ANXA2: variants seen among roughly 807,000 people sequenced by gnomAD.
ANXA2 encodes the protein annexin A2.
In ANXA2, 28 loss-of-function variants were observed where a neutral mutation model predicts 47.3. The observed-to-expected ratio is 0.59, with a 90% confidence interval of 0.44 to 0.81. ANXA2 has a LOEUF of 0.81. Among genes scored for constraint, ANXA2 ranks in the 40% least tolerant of loss-of-function variants. The probability of loss-of-function intolerance (pLI) is 0.00; values close to 1 mark genes in which losing one functional copy is unlikely to be tolerated. For synonymous variants in ANXA2, 172 were observed against 155.5 expected (o/e 1.11, Z -0.79); for missense variants, 384 against 414.3 (o/e 0.93, Z 0.64).
At chr15:60,375,249 A>C (rs1461683518) in intron 3 of ANXA2, among the ~76,000 whole-genome samples, 2 of 152,150 alleles carry the variant, frequency 1.3e-5, no homozygotes, top group East Asian at 3.9e-4. Flanking sequence ...GAGAAAAATC[A>C]CCCACTTTTG....
chr15:60,360,975 T>C lies in ANXA2; in HGVS notation c.323A>G (p.Gln108Arg), dbSNP rs1376247622. The change falls in exon 5 of 13, where the codon CAG (glutamine) becomes CGG (arginine). Residue 108 changes from glutamine to arginine, a missense_variant. By Grantham distance (43) the Gln-to-Arg change is conservative. Coordinates refer to ENST00000451270, the MANE Select transcript of ANXA2 (RefSeq NM_004039.3). ...VILGLLKTPAQYDASELKASM... is the reference protein window; with the variant it reads ...VILGLLKTPARYDASELKASM... ...AGCTTTTAGCTCAGAAGCGTCATAC[T>C]GAGCAGGTGTCTTCAATAGGCCCAA... 1 of 1,613,222 alleles carries C rather than the reference T, an allele frequency of 6.2e-7. No individual in the cohort carries two copies. The highest frequency in any genetic ancestry group is 8.5e-7 in the Non-Finnish European group (1 of 1,179,142).
rs149218501 is a variant in ANXA2 at position 60,391,473 on chromosome 15, C to T, written c.-11-5387G>A. ...AGACTACAGGCTGGAAAATGAGCCA[C>T]GTCCAGTGGGGTGCCCTGTGGGGAA... On this transcript the variant is annotated intron_variant, in intron 1 of 12. Coordinates refer to ENST00000451270, the MANE Select transcript of ANXA2 (RefSeq NM_004039.3). 4.2e-3 allele frequency among the ~76,000 whole-genome samples: 638 copies of T among 152,272 alleles called. 3 individuals carry two copies. The highest frequency in any genetic ancestry group is 0.014 in the African/African-American group (594 of 41,544).
At chr15:60,393,963 C>T (rs1159285519) in intron 1 of ANXA2, among the ~76,000 whole-genome samples, 1 of 152,090 alleles carries the variant, frequency 6.6e-6, no homozygotes, top group African/African-American at 2.4e-5. Flanking sequence ...TTTCTCTCTC[C>T]CTCAGACTGG....
At chr15:60,382,499 A>G (rs2062876562) in intron 2 of ANXA2, 58 bp from the exon 3 acceptor site, 1 of 1,210,178 alleles carries the variant, frequency 8.3e-7, no homozygotes, top group Non-Finnish European at 1.2e-6. Context: ...TCTTGTTGAA[A>G]TAACAATGCC....
In ANXA2 at chr15:60,351,388, C is replaced by T. The variant is rs1896006679; in HGVS notation, c.779-137G>A. On this transcript the variant is annotated intron_variant, in intron 10 of 12. Coordinates refer to ENST00000451270, the MANE Select transcript of ANXA2 (RefSeq NM_004039.3). ...GAAAAGGGCTGCAAAATAGGACAGG[C>T]TAAGGGAAATCTAGAAATCCTCTGC... 8.2e-6 allele frequency: 7 copies of T among 858,488 alleles called. No homozygotes were observed. The South Asian group carries it at 9.1e-5, about 11-fold the overall frequency. The allele number at this position is 858,488 out of a possible 1,614,324, so 53.2% of individuals were successfully genotyped here. A position where few individuals can be genotyped will look rare whatever the true frequency, so the allele number is the denominator to read the frequency against.
At chr15:60,380,180 CAT>C (rs1184430872) in intron 3 of ANXA2, among the ~76,000 whole-genome samples, 2 of 152,116 alleles carry the variant, frequency 1.3e-5, no homozygotes, top group African/African-American at 4.8e-5. Flanking sequence ...TTTAAGGTAA[CAT>C]ATTTTGAGTA....
intron 7 of ANXA2, 53 bp downstream of exon 7, chr15:60,355,866 T>A (rs751395063): frequency 1.4e-6 from 2 of 1,401,508 alleles, no homozygotes; most frequent in Admixed American, 1.7e-5. Context: ...AAATGAGGTA[T>A]GTGACTTGCC....
chr15:60,363,965 G>A lies in ANXA2; in HGVS notation c.243+464C>T, dbSNP rs369648267. Among the ~76,000 whole-genome samples, 408 of 152,294 alleles carry A rather than the reference G, an allele frequency of 2.7e-3. 3 individuals carry two copies. Among genetic ancestry groups the A allele is most frequent in the Non-Finnish European group, 4.7e-3 (319 of 68,012 alleles). On this transcript the variant is annotated intron_variant, in intron 4 of 12. Coordinates refer to ENST00000451270, the MANE Select transcript of ANXA2 (RefSeq NM_004039.3). ...CCAAAGTAAGCACTCAATAAATGGT[G>A]CCTGTTGTTGTTATTGTTGTTGTTC...
chr15:60,356,933 G>T (rs1023842750), intron 6 of ANXA2, among the ~76,000 whole-genome samples: 2 of 152,198 alleles, frequency 1.3e-5, no homozygotes, highest in African/African-American at 4.8e-5. Context: ...TAACACAGAA[G>T]TTCTAGTGGA....
At chr15:60,391,219 GGGCCAAT>G (rs2063005312) in intron 1 of ANXA2, 3 of 152,272 alleles carry the variant, frequency 2.0e-5, no homozygotes, top group African/African-American at 7.2e-5. Context: ...CCAGACTCCT[GGGCCAAT>G]GCCCTTTCAA....
intron 3 of ANXA2, among the ~76,000 whole-genome samples, chr15:60,380,493 CAAAAA>C (rs538754910): frequency 2.2e-5 from 2 of 90,118 alleles, no homozygotes. Flanking sequence ...TTAAATGCAC[CAAAAA>C]AAAAAAAAAA....
In ANXA2 at chr15:60,347,436, T is replaced by C. The variant is rs138873688; in HGVS notation, c.*194A>G. The C allele has an allele frequency of 7.7e-5, 47 of 608,684 alleles. No homozygotes were observed. Among genetic ancestry groups the C allele is most frequent in the African/African-American group, 7.4e-4 (40 of 54,138 alleles). The allele number at this position is 608,684 out of a possible 1,614,324, so 37.7% of individuals were successfully genotyped here. A position where few individuals can be genotyped will look rare whatever the true frequency, so the allele number is the denominator to read the frequency against. Reference sequence around the variant, plus strand: ...CACTTCCAACTCCTTGGAATGTTCATTTCTTTGGCTTACAGGAGAGACTAG... The same window carrying C: ...CACTTCCAACTCCTTGGAATGTTCACTTCTTTGGCTTACAGGAGAGACTAG... On this transcript the variant is annotated 3_prime_UTR_variant, in exon 13 of 13. Coordinates refer to ENST00000451270, the MANE Select transcript of ANXA2 (RefSeq NM_004039.3).
Position 60,347,594 on chromosome 15 carries a change from G to A in ANXA2, c.*36C>T, listed in dbSNP as rs1895777318. On this transcript the variant is annotated 3_prime_UTR_variant, in exon 13 of 13. Coordinates refer to ENST00000451270, the MANE Select transcript of ANXA2 (RefSeq NM_004039.3). Reference sequence around the variant, plus strand: ...TAGACCTGTTAGCTGGAAGCATGGTGAGCACCATTTCTGGACGCTCAGGCC... The same window carrying A: ...TAGACCTGTTAGCTGGAAGCATGGTAAGCACCATTTCTGGACGCTCAGGCC... 2 of 1,608,710 alleles carry A rather than the reference G, an allele frequency of 1.2e-6. No homozygotes were observed. Among genetic ancestry groups the A allele is most frequent in the South Asian group, 2.2e-5 (2 of 90,952 alleles).
intron 3 of ANXA2, among the ~76,000 whole-genome samples, chr15:60,372,625 C>T (rs2062725262): frequency 6.6e-6 from 1 of 151,874 alleles, no homozygotes; most frequent in Non-Finnish European, 1.5e-5. Context: ...AAAAGATAAC[C>T]CCAAAGGTTG....
At chr15:60,351,088 G>T in intron 11 of ANXA2, 105 bp downstream of exon 11, 2 of 1,163,052 alleles carry the variant, frequency 1.7e-6, no homozygotes, top group Non-Finnish European at 1.3e-6. Flanking sequence ...CATCCACACA[G>T]TGGGGTCCCC....
chr15:60,350,905 C>T lies in ANXA2; in HGVS notation c.837+288G>A, dbSNP rs146125725. Among the ~76,000 whole-genome samples, 8 of 152,312 alleles carry T rather than the reference C, an allele frequency of 5.3e-5. No individual in the cohort carries two copies. In the East Asian group the frequency reaches 9.6e-4, roughly 18 times the overall value. On this transcript the variant is annotated intron_variant, in intron 11 of 12. Transcript: ENST00000451270. The stretch of plus-strand genomic sequence containing the variant: ...CTCTGGCAGTAACAGGAAGAAATCA[C>T]GGAGAAACCTAAGCAGGGATCAGAC...
intron 3 of ANXA2, among the ~76,000 whole-genome samples, chr15:60,375,532 C>T (rs79334919): frequency 0.011 from 1,652 of 152,280 alleles, 29 homozygotes; most frequent in African/African-American, 0.038. Context: ...ATATATTTAA[C>T]CCAAGGCCAA....
intron 10 of ANXA2, 147 bp from the exon 11 acceptor site, chr15:60,351,398 T>C (rs887949440): frequency 2.5e-6 from 2 of 813,358 alleles, no homozygotes; most frequent in African/African-American, 1.7e-5. Context: ...CTAAGGGAAA[T>C]CTAGAAATCC....
chr15:60,373,451 A>G (rs976953762), intron 3 of ANXA2, among the ~76,000 whole-genome samples: 10 of 152,194 alleles, frequency 6.6e-5, no homozygotes, highest in African/African-American at 2.4e-4. Flanking sequence ...CCCTCTAGCC[A>G]TAGGACTACC....
Sources: allele counts gnomAD v4.1 joint callset (sites outside exome capture counted in the v4.1 genomes callset), GRCh38; gene constraint gnomAD v4.1.1; transcripts MANE v1.5; gene names NCBI Gene and HGNC (gene_info 2026-07-23, HGNC 2026-07-21).